The following C6orf62 variants were observed in gnomAD, a reference collection of about 807,000 sequenced individuals.
C6orf62 encodes the protein uncharacterized protein C6orf62.
Under a neutral mutation model 26.8 loss-of-function variants are expected in C6orf62, and 16 were observed. That is an observed-to-expected ratio of 0.60 (90% confidence interval 0.40 to 0.91). The LOEUF (loss-of-function observed/expected upper bound fraction) is 0.91, where lower values mean the gene tolerates loss of function less well. C6orf62 is among the 40% of genes least tolerant of loss of function. The pLI, the probability that C6orf62 is intolerant of heterozygous loss-of-function variation, is 0.00. For missense variants in C6orf62, 192 were observed against 271.4 expected, an observed-to-expected ratio of 0.71 and a Z score of 2.06; for synonymous variants, 112 against 91.5, an observed-to-expected ratio of 1.22 and a Z score of -1.28.
Position 24,716,079 on chromosome 6 carries a change from C to T in C6orf62, c.306+69G>A, listed in dbSNP as rs544497657. ...ATAACTATCCACTTTAAGGGGGGTT[C>T]GGGGGGCGGGGAAATGCAAGGTTAA... On this transcript the variant is annotated intron_variant, in intron 2 of 4. Transcript: ENST00000378119. 1.7e-5 allele frequency: 21 copies of T among 1,267,132 alleles called. No homozygotes were observed. In the East Asian group the frequency reaches 2.5e-4, roughly 15 times the overall value. 78.5% of individuals were successfully genotyped at this position (1,267,132 alleles called of 1,614,324 possible). A position where few individuals can be genotyped will look rare whatever the true frequency, so the allele number is the denominator to read the frequency against.
intron 3 of C6orf62, among the ~76,000 whole-genome samples, chr6:24,711,354 A>G (rs1779117272): frequency 6.6e-6 from 1 of 152,210 alleles, no homozygotes; most frequent in Admixed American, 6.5e-5. Context: ...TAACCTTGGC[A>G]GTAGCATTAA....
chr6:24,718,903 T>G lies in C6orf62; in HGVS notation c.-235A>C. 7.6e-7 allele frequency: 1 copy of G among 1,313,574 alleles called. No homozygotes were observed. Among genetic ancestry groups the G allele is most frequent in the Admixed American group, 3.9e-5 (1 of 25,908 alleles). The allele number at this position is 1,313,574 out of a possible 1,614,324, so 81.4% of individuals were successfully genotyped here. ...CCAGTCATGTTTGGACAATAACGTT[T>G]GGGGTCAGACGGGAAAAAGGGAGGA... is the stretch of plus-strand genomic sequence containing the variant. On this transcript the variant is annotated 5_prime_UTR_variant, in exon 1 of 5. Transcript: ENST00000378119.
intron 1 of C6orf62, among the ~76,000 whole-genome samples, chr6:24,717,991 C>G (rs1191992406): frequency 6.6e-6 from 1 of 152,130 alleles, no homozygotes; most frequent in Admixed American, 6.5e-5. Flanking sequence ...TACTTCTATA[C>G]AAGGCAAAAT....
At chr6:24,714,226 C>T in intron 3 of C6orf62, 92 bp downstream of exon 3, 1 of 987,028 alleles carries the variant, frequency 1.0e-6, no homozygotes, top group Non-Finnish European at 1.4e-6. Flanking sequence ...CTATCAGAAA[C>T]CATTTTCCCA....
At chr6:24,720,013 G>GGGGGGGCA, upstream of C6orf62, 1 of 1,479,410 alleles carries the variant, frequency 6.8e-7, no homozygotes, top group Non-Finnish European at 9.0e-7. Context: ...TCTAAAGTAA[G>GGGGGGGCA]CCCACCCACC....
intron 3 of C6orf62, chr6:24,709,849 A>G: frequency 1.0e-6 from 1 of 985,192 alleles, no homozygotes; most frequent in Non-Finnish European, 1.2e-6. Context: ...TATGATATTT[A>G]GACAATACTG....
At chr6:24,707,205 A>G (rs1779027386) in intron 4 of C6orf62, 2 of 152,220 alleles carry the variant, frequency 1.3e-5, no homozygotes, top group Non-Finnish European at 1.5e-5. Flanking sequence ...AAATTTAACA[A>G]CCTTAGGATT....
At chr6:24,720,158 G>C, upstream of C6orf62, 2 of 1,363,792 alleles carry the variant, frequency 1.5e-6, no homozygotes, top group East Asian at 2.9e-5. Context: ...AGGCAGCTAG[G>C]GCGGGGTGGG....
At chr6:24,714,576 G>C in intron 2 of C6orf62, 136 bp from the exon 3 acceptor site, 1 of 569,474 alleles carries the variant, frequency 1.8e-6, no homozygotes, top group Non-Finnish European at 3.0e-6. Flanking sequence ...TTATATCTTA[G>C]GAAGTAAACA....
At chr6:24,720,433 G>A (rs1581402749), upstream of C6orf62, 1 of 1,115,926 alleles carries the variant, frequency 9.0e-7, no homozygotes, top group Non-Finnish European at 1.1e-6. Context: ...CCCCACCTGG[G>A]ACCCATAGTC....
chr6:24,717,737 T>G (rs1239258145), intron 1 of C6orf62, among the ~76,000 whole-genome samples: 4 of 152,216 alleles, frequency 2.6e-5, no homozygotes, highest in Non-Finnish European at 4.4e-5. Flanking sequence ...AGCTAACAAT[T>G]TAAGCACCAA....
chr6:24,719,553 AT>A, upstream of C6orf62: 1 of 1,207,836 alleles, frequency 8.3e-7, no homozygotes. Flanking sequence ...AAGGAGAATC[AT>A]GACGGCAGAA....
At chr6:24,715,800 G>A (rs1779214108) in intron 2 of C6orf62, among the ~76,000 whole-genome samples, 1 of 129,934 alleles carries the variant, frequency 7.7e-6, no homozygotes, top group South Asian at 2.5e-4. Flanking sequence ...AGTGAGCCAA[G>A]ATCATGCCAC....
chr6:24,709,779 C>A, intron 3 of C6orf62: 1 of 985,434 alleles, frequency 1.0e-6, no homozygotes, highest in East Asian at 1.1e-4. Context: ...TGGTGAGACA[C>A]CAAATGCTAC....
Position 24,718,975 on chromosome 6 carries a change from C to A in C6orf62, c.-307G>T. ...AAAATAACTAACTTTCTGGAAAACA[C>A]ATTTGGCTTAACTGCCAAAATAAAG... On this transcript the variant is annotated 5_prime_UTR_variant, in exon 1 of 5. An upstream start codon of the reference 5' UTR is lost. Transcript: ENST00000378119. 1 of 1,162,234 alleles carries A rather than the reference C, an allele frequency of 8.6e-7. No homozygotes were observed. Among genetic ancestry groups the A allele is most frequent in the South Asian group, 2.0e-5 (1 of 50,870 alleles). 72.0% of individuals were successfully genotyped at this position (1,162,234 alleles called of 1,614,324 possible).
intron 3 of C6orf62, among the ~76,000 whole-genome samples, chr6:24,711,524 G>C (rs761414970): frequency 2.1e-4 from 32 of 152,102 alleles, no homozygotes; most frequent in Non-Finnish European, 4.3e-4. Context: ...GCCAGGCACG[G>C]TGACTCACAC....
At chr6:24,706,964 CA>C (rs1448747203) in intron 4 of C6orf62, 1 of 152,010 alleles carries the variant, frequency 6.6e-6, no homozygotes, top group East Asian at 1.9e-4. Context: ...AGAAAAAAGC[CA>C]AAGTATTACC....
chr6:24,718,699 G>T lies in C6orf62; in HGVS notation c.-31C>A, dbSNP rs1380332630. ...AATACAGGTGGTACTAAAGCCTTTGGAAATTGTCACTAAACTATGGGCACT... is the reference window on the plus strand; with the variant it reads ...AATACAGGTGGTACTAAAGCCTTTGTAAATTGTCACTAAACTATGGGCACT... On this transcript the variant is annotated 5_prime_UTR_variant, in exon 1 of 5. Coordinates refer to ENST00000378119, the MANE Select transcript of C6orf62 (RefSeq NM_030939.5). The T allele has an allele frequency of 6.2e-7, 1 of 1,608,792 alleles. No individual in the cohort carries two copies. Among genetic ancestry groups the T allele is most frequent in the Non-Finnish European group, 8.5e-7 (1 of 1,178,848 alleles).
chr6:24,719,646 A>G (rs1779313936), upstream of C6orf62: 1 of 1,442,722 alleles, frequency 6.9e-7, no homozygotes, highest in Non-Finnish European at 9.1e-7. Context: ...CAACACCCCC[A>G]GCCTGCAACT....
Sources: gnomAD v4.1 joint callset for allele counts (sites outside exome capture counted in the v4.1 genomes callset) on GRCh38, gnomAD v4.1.1 for gene constraint, MANE v1.5 for transcripts, NCBI Gene and HGNC (gene_info 2026-07-23, HGNC 2026-07-21) for gene names.